Variants in DLGAP4 observed in about 807,000 individuals in gnomAD.
DLGAP4 encodes the protein DLG associated protein 4, also known as disks large-associated protein 4.
In DLGAP4, 18 loss-of-function variants were observed where a neutral mutation model predicts 86.9. The observed-to-expected ratio is 0.21, with a 90% CI of 0.14 to 0.31. DLGAP4 has a LOEUF of 0.31. Ranked by LOEUF, DLGAP4 falls within the 10% of genes least tolerant of loss-of-function variation. The pLI, the probability that DLGAP4 is intolerant of heterozygous loss-of-function variation, is 1.00. For missense variants in DLGAP4, 1,085 were observed against 1,362.6 expected (o/e 0.80, Z 3.21); for synonymous variants, 548 against 574.3 (o/e 0.95, Z 0.65).
chr20:36,310,766 G>C (rs2065046681), intron 1 of DLGAP4, among the ~76,000 whole-genome samples: 1 of 152,176 alleles, frequency 6.6e-6, no homozygotes, highest in South Asian at 2.1e-4. Flanking sequence ...GCATCAGCGT[G>C]GGGCTGGCGA....
intron 10 of DLGAP4, among the ~76,000 whole-genome samples, chr20:36,513,246 C>G (rs1240788774): frequency 6.6e-6 from 1 of 151,798 alleles, no homozygotes; most frequent in African/African-American, 2.4e-5. Context: ...ACTTGACATA[C>G]TTTTTTAAAG....
chr20:36,526,323 CTGCTGCCAGGAGTCCTGGGGTCT>C (rs1481176606), intron 12 of DLGAP4, among the ~76,000 whole-genome samples: 1 of 152,142 alleles, frequency 6.6e-6, no homozygotes, highest in Non-Finnish European at 1.5e-5. Context: ...TCCTGGGGCC[CTGCTGCCAGGAGTCCTGGGGTCT>C]GGAGCCAGCT....
At chr20:36,340,885 G>A (rs1247271661) in intron 1 of DLGAP4, among the ~76,000 whole-genome samples, 6 of 152,162 alleles carry the variant, frequency 3.9e-5, no homozygotes, top group Non-Finnish European at 8.8e-5. Context: ...GGCACCACTC[G>A]TAGCTTTGAG....
intron 7 of DLGAP4, among the ~76,000 whole-genome samples, chr20:36,473,504 A>G (rs930388428): frequency 6.6e-6 from 1 of 152,152 alleles, no homozygotes; most frequent in Non-Finnish European, 1.5e-5. Flanking sequence ...TGTCTTTCAG[A>G]TATTAACTGT....
intron 2 of DLGAP4, among the ~76,000 whole-genome samples, chr20:36,391,734 G>C (rs1316301635): frequency 6.6e-6 from 1 of 152,162 alleles, no homozygotes; most frequent in African/African-American, 2.4e-5. Context: ...TATAGTGCTG[G>C]GGGGTAGGAT....
chr20:36,500,093 C>T lies in DLGAP4; in HGVS notation c.2100-106C>T, dbSNP rs1222435114. On this transcript the variant is annotated intron_variant, in intron 9 of 12. Transcript: ENST00000339266. This position sits in a 1 kb window ranked among gnomAD's most constrained non-coding sequence, Gnocchi z 4.6. ...GGCGCATGGTGAGCAGATGATGCAT[C>T]CGTTTCTCTGTCTCCCGTGTGTCCG... 2 of 1,289,896 alleles carry T rather than the reference C, an allele frequency of 1.6e-6. No individual in the cohort carries two copies. The highest frequency in any genetic ancestry group is 1.1e-6 in the Non-Finnish European group (1 of 940,080). 79.9% of individuals were successfully genotyped at this position (1,289,896 alleles called of 1,614,324 possible).
intron 2 of DLGAP4, among the ~76,000 whole-genome samples, chr20:36,390,373 A>G (rs1718989751): frequency 1.3e-5 from 2 of 152,156 alleles, no homozygotes; most frequent in African/African-American, 4.8e-5. Flanking sequence ...AGAGGCAGGA[A>G]CCTAGCAGGC....
chr20:36,467,064 C>CTCTCTCTCTCCCCCTCTCT (rs1555907464), intron 7 of DLGAP4, among the ~76,000 whole-genome samples: 8 of 118,134 alleles, frequency 6.8e-5, no homozygotes, highest in African/African-American at 3.4e-4. Context: ...CTCTCTCTCT[C>CTCTCTCTCTCCCCCTCTCT]CCCCCCCCTT....
At chr20:36,406,809 T>C (rs1332417906) in intron 2 of DLGAP4, among the ~76,000 whole-genome samples, 1 of 152,126 alleles carries the variant, frequency 6.6e-6, no homozygotes, top group Non-Finnish European at 1.5e-5. Flanking sequence ...CTGTGTGAGC[T>C]GTAGGAAACC....
intron 10 of DLGAP4, among the ~76,000 whole-genome samples, chr20:36,509,890 CTT>C (rs1199207383): frequency 6.7e-6 from 1 of 149,208 alleles, no homozygotes; most frequent in Non-Finnish European, 1.5e-5. Context: ...GAGTTTTGCT[CTT>C]GTTGCCCAGG....
At chr20:36,341,088 G>A (rs1270677283) in intron 1 of DLGAP4, among the ~76,000 whole-genome samples, 2 of 152,200 alleles carry the variant, frequency 1.3e-5, no homozygotes, top group Non-Finnish European at 2.9e-5. Flanking sequence ...AGGCCAGAGA[G>A]GGCACTTGCT....
chr20:36,518,493 CT>C (rs2037176386), intron 10 of DLGAP4, among the ~76,000 whole-genome samples: 2 of 151,902 alleles, frequency 1.3e-5, no homozygotes, highest in Non-Finnish European at 2.9e-5. Context: ...TCAGCCTGTC[CT>C]TTTATATAAG....
intron 2 of DLGAP4, among the ~76,000 whole-genome samples, chr20:36,412,836 C>T (rs2147504594): frequency 6.6e-6 from 1 of 152,246 alleles, no homozygotes; most frequent in South Asian, 2.1e-4. Flanking sequence ...CAGATACATC[C>T]TCCAGGTGAA....
At chr20:36,504,661 T>C (rs1217729288) in intron 10 of DLGAP4, among the ~76,000 whole-genome samples, 1 of 152,232 alleles carries the variant, frequency 6.6e-6, no homozygotes, top group African/African-American at 2.4e-5. Context: ...ACACCTGTTA[T>C]CTTCTGTCTT....
rs779145733 is a variant in DLGAP4 at position 36,436,273 on chromosome 20, A to C, written c.1164A>C (p.Ser388=). The change falls in exon 4 of 13, where the codon TCA becomes TCC. Residue 388 remains serine, a synonymous_variant. Coordinates refer to ENST00000339266, the MANE Select transcript of DLGAP4 (RefSeq NM_001365621.2). ...SDESGGSPKP[S]PKTAARRQSY... is the part of the protein sequence containing the mutation. ...AGTCCGGCGGCAGCCCCAAGCCCTC[A>C]CCCAAGACCGCGGCGCGGCGCCAGA... The C allele has an allele frequency of 3.6e-5, 58 of 1,605,274 alleles. No individual in the cohort carries two copies. Among genetic ancestry groups the C allele is most frequent in the Non-Finnish European group, 4.8e-5 (57 of 1,179,274 alleles).
chr20:36,508,824 C>T (rs1255942284), intron 10 of DLGAP4: 5 of 152,222 alleles, frequency 3.3e-5, no homozygotes, highest in Admixed American at 3.3e-4. Flanking sequence ...TGGACAGAAT[C>T]ACTGGATGGG....
chr20:36,363,158 G>C (rs145360336), intron 1 of DLGAP4, among the ~76,000 whole-genome samples: 4 of 152,180 alleles, frequency 2.6e-5, no homozygotes, highest in Admixed American at 6.5e-5. Context: ...GCAAGAGCAC[G>C]TGCAAAGGCC....
chr20:36,337,822 G>A (rs937344015), intron 1 of DLGAP4, among the ~76,000 whole-genome samples: 1 of 152,208 alleles, frequency 6.6e-6, no homozygotes, highest in African/African-American at 2.4e-5. Flanking sequence ...GCTGGGATTG[G>A]TGGTATGCCT....
chr20:36,396,325 ACACACACACACG>A (rs1268580458), intron 2 of DLGAP4, among the ~76,000 whole-genome samples: 1 of 68,832 alleles, frequency 1.5e-5, no homozygotes, highest in African/African-American at 4.6e-5. Flanking sequence ...AACCCAGCAC[ACACACACACACG>A]CACACACACA....
Sources: gnomAD v4.1 joint callset for allele counts (sites outside exome capture counted in the v4.1 genomes callset) on GRCh38, gnomAD v4.1.1 for gene constraint, Gnocchi (gnomAD v3.1) non-coding constraint, MANE v1.5 for transcripts, NCBI Gene and HGNC (gene_info 2026-07-23, HGNC 2026-07-21) for gene names.